TTC12: variants seen among roughly 807,000 people sequenced by gnomAD.
TTC12 encodes the protein tetratricopeptide repeat protein 12.
TTC12 carries 70 observed loss-of-function variants against 90.1 expected under a neutral mutation model. The ratio of observed to expected loss-of-function variants is 0.78; its 90% confidence interval spans 0.64 to 0.95. The LOEUF (loss-of-function observed/expected upper bound fraction) is 0.95, where lower values mean the gene tolerates loss of function less well. Among genes scored for constraint, TTC12 ranks in the 40% least tolerant of loss-of-function variants. The pLI, the probability that TTC12 is intolerant of heterozygous loss-of-function variation, is 0.00. For missense variants in TTC12, 819 were observed against 846.1 expected, an observed-to-expected ratio of 0.97 and a Z score of 0.40; for synonymous variants, 296 against 311.5, an observed-to-expected ratio of 0.95 and a Z score of 0.53.
chr11:113,358,387 G>A (rs1319140321), intron 16 of TTC12, among the ~76,000 whole-genome samples: 12 of 152,280 alleles, frequency 7.9e-5, no homozygotes, highest in African/African-American at 2.9e-4. Context: ...GGGGTACTCT[G>A]CTGGTGCTCT....
chr11:113,343,578 G>A (rs1291732725), intron 12 of TTC12, among the ~76,000 whole-genome samples: 2 of 152,134 alleles, frequency 1.3e-5, no homozygotes, highest in Non-Finnish European at 2.9e-5. Context: ...CAGTACAGGA[G>A]GGAAGAAAGC....
At chr11:113,341,706 G>C (rs1948697376) in intron 11 of TTC12, 131 bp from the exon 12 acceptor site, 1 of 732,324 alleles carries the variant, frequency 1.4e-6, no homozygotes, top group African/African-American at 1.7e-5. Flanking sequence ...GTGACCCATG[G>C]CTCTGGATTA....
intron 5 of TTC12, 22 bp from the exon 6 acceptor site, chr11:113,325,502 T>C: frequency 6.2e-7 from 1 of 1,613,152 alleles, no homozygotes; most frequent in South Asian, 1.1e-5. Context: ...AGAGCTCACC[T>C]GTGTAACTTA....
intron 2 of TTC12, among the ~76,000 whole-genome samples, chr11:113,319,543 T>C (rs1947162580): frequency 6.6e-6 from 1 of 152,196 alleles, no homozygotes; most frequent in Admixed American, 6.5e-5. Context: ...AAAATGTCAA[T>C]TTTTAAAATA....
At chr11:113,367,140 G>A (rs1950243948), downstream of TTC12, among the ~76,000 whole-genome samples, 2 of 152,224 alleles carry the variant, frequency 1.3e-5, no homozygotes, top group African/African-American at 4.8e-5. Context: ...CCCTAAGTGA[G>A]AAGTCCAATA....
rs1319648592 is a variant in TTC12, at chr11:113,338,849, G to A, written c.637+15G>A. The A allele has an allele frequency of 7.4e-6, 12 of 1,612,806 alleles. No individual in the cohort carries two copies. The highest frequency in any genetic ancestry group is 6.7e-5 in the African/African-American group (5 of 74,878). On this transcript the variant is annotated intron_variant, in intron 9 of 21. Transcript: ENST00000529221. ...CCAGGTGAAAGGTGAGCACGTTCCT[G>A]CTGAGGTCCTTCATCTGAACTCCAC...
Position 113,340,696 on chromosome 11 carries a change from G to A in TTC12, c.859G>A (p.Gly287Arg). Residue 287 changes from glycine to arginine, a missense_variant, in exon 11 of 22, where the codon GGA (glycine) becomes AGA (arginine). Transcript: ENST00000529221. ...TEQTLFRMHN[G>R]FSIISDNEVI... ...ACAAACTTTATTCAGAATGCACAAT[G>A]GATTTAGTATCATCAGTGACAACGA... is the stretch of plus-strand genomic sequence containing the variant. 1 of 1,614,120 alleles carries A rather than the reference G, an allele frequency of 6.2e-7. No homozygotes were observed. Among genetic ancestry groups the A allele is most frequent in the Non-Finnish European group, 8.5e-7 (1 of 1,179,978 alleles).
chr11:113,365,579 A>C (rs533433671), intron 21 of TTC12: 2 of 185,754 alleles, frequency 1.1e-5, no homozygotes, highest in South Asian at 2.4e-4. Context: ...GTCCCCAGTG[A>C]GCGAGGGCAA....
chr11:113,358,894 A>C (rs1445216755), intron 16 of TTC12, among the ~76,000 whole-genome samples: 1 of 152,102 alleles, frequency 6.6e-6, no homozygotes, highest in Non-Finnish European at 1.5e-5. Context: ...ATAGGCTTGC[A>C]TGCAGCATTC....
At chr11:113,364,695 G>C in intron 20 of TTC12, 140 bp from the exon 21 acceptor site, 1 of 666,220 alleles carries the variant, frequency 1.5e-6, no homozygotes, top group Non-Finnish European at 2.7e-6. Context: ...TTGCTGATGA[G>C]TAAGTGAACA....
chr11:113,357,658 C>G (rs564899788), intron 16 of TTC12, among the ~76,000 whole-genome samples: 19 of 152,240 alleles, frequency 1.2e-4, no homozygotes, highest in Non-Finnish European at 2.2e-4. Flanking sequence ...TATAAGGTGG[C>G]TTCAGCTGAC....
intron 2 of TTC12, among the ~76,000 whole-genome samples, chr11:113,320,000 G>T (rs1308365251): frequency 6.6e-6 from 1 of 152,080 alleles, no homozygotes; most frequent in East Asian, 1.9e-4. Context: ...GACCTAAATT[G>T]TAAAGGAAAA....
intron 13 of TTC12, among the ~76,000 whole-genome samples, chr11:113,347,740 C>G (rs1211789621): frequency 3.9e-5 from 6 of 152,170 alleles, no homozygotes; most frequent in African/African-American, 1.4e-4. Context: ...GGCCTCCAGA[C>G]CACTCCTAGA....
intron 7 of TTC12, among the ~76,000 whole-genome samples, chr11:113,331,408 C>G (rs1948058599): frequency 6.6e-6 from 1 of 152,182 alleles, no homozygotes; most frequent in African/African-American, 2.4e-5. Context: ...AAATTCTATT[C>G]TGTTCTGTTC....
At chr11:113,366,148 A>T in intron 21 of TTC12, 77 bp from the exon 22 acceptor site, 1 of 1,506,530 alleles carries the variant, frequency 6.6e-7, no homozygotes, top group African/African-American at 1.4e-5. Flanking sequence ...CTTCCATCTG[A>T]GAGGGTGTTG....
At chr11:113,343,880 A>G (rs1591577691) in intron 12 of TTC12, among the ~76,000 whole-genome samples, 1 of 152,332 alleles carries the variant, frequency 6.6e-6, no homozygotes, top group African/African-American at 2.4e-5. Flanking sequence ...ACGTTCCACA[A>G]TTAAACTGAT....
intron 20 of TTC12, chr11:113,364,335 C>T: frequency 4.6e-6 from 1 of 219,224 alleles, no homozygotes; most frequent in Non-Finnish European, 9.2e-6. Context: ...CAGCAGGCTT[C>T]CCAGGAGAGG....
At position 113,372,184 on chromosome 11, in the gene TTC12, G is replaced by A. The variant is rs141320381; in HGVS notation, c.*121-940G>A. Among the ~76,000 whole-genome samples the A allele has an allele frequency of 2.7e-4, 41 of 152,336 alleles. 1 individual carries two copies. The East Asian group carries it at 7.7e-3, about 29-fold the overall frequency. ...AGGGCAGGCACAGGAAGAGCATGAA[G>A]GATTGAAATGTACATTCTGTGGTAT... On this transcript the variant is annotated intron_variant, in intron 21 of 21. Transcript: ENST00000314756.
intron 2 of TTC12, among the ~76,000 whole-genome samples, chr11:113,320,193 C>T (rs1555137650): frequency 1.3e-5 from 2 of 152,028 alleles, no homozygotes; most frequent in African/African-American, 4.8e-5. Flanking sequence ...AGGGTGGTTC[C>T]CTGGCAAAGA....
Sources: gnomAD v4.1 joint callset for allele counts (sites outside exome capture counted in the v4.1 genomes callset) on GRCh38, gnomAD v4.1.1 for gene constraint, MANE v1.5 for transcripts, NCBI Gene and HGNC (gene_info 2026-07-23, HGNC 2026-07-21) for gene names.